The following HPSE2 variants were observed in gnomAD, a reference collection of about 807,000 sequenced individuals.
The protein encoded by HPSE2 is inactive heparanase-2.
In HPSE2, 38 loss-of-function variants were observed where a neutral mutation model predicts 60.5. The observed-to-expected ratio is 0.63, with a 90% CI of 0.48 to 0.82. The LOEUF (loss-of-function observed/expected upper bound fraction) is 0.82. Ranked by LOEUF, HPSE2 falls within the 40% of genes least tolerant of loss-of-function variation. HPSE2 has a pLI of 0.00. For missense variants in HPSE2, 713 were observed against 740.4 expected (o/e 0.96, Z 0.43); for synonymous variants, 295 against 293.2 (o/e 1.01, Z -0.06).
intron 3 of HPSE2, among the ~76,000 whole-genome samples, chr10:99,140,404 T>C (rs969572568): frequency 3.3e-5 from 5 of 152,246 alleles, no homozygotes; most frequent in African/African-American, 9.6e-5. Context: ...AGTTTCAAGC[T>C]GTCTGGATAC....
At chr10:98,800,258 ACT>A in intron 3 of HPSE2, among the ~76,000 whole-genome samples, 1 of 151,782 alleles carries the variant, frequency 6.6e-6, no homozygotes, top group East Asian at 1.9e-4. Flanking sequence ...AGTCCCAGCT[ACT>A]CAGGAGCCTG....
intron 3 of HPSE2, among the ~76,000 whole-genome samples, chr10:98,882,376 G>T (rs527458735): frequency 6.6e-6 from 1 of 152,024 alleles, no homozygotes; most frequent in Non-Finnish European, 1.5e-5. Flanking sequence ...TCAAAGTCTC[G>T]ATGACTTACA....
chr10:98,478,178 C>T (rs1182872077), intron 11 of HPSE2, among the ~76,000 whole-genome samples: 1 of 152,150 alleles, frequency 6.6e-6, no homozygotes, highest in Non-Finnish European at 1.5e-5. Context: ...GAATGGGAAC[C>T]ATTGTTCTGG....
At chr10:98,734,630 G>A (rs1455567771) in intron 4 of HPSE2, among the ~76,000 whole-genome samples, 2 of 152,022 alleles carry the variant, frequency 1.3e-5, no homozygotes, top group Admixed American at 6.6e-5. Context: ...ATCTTTTCAT[G>A]TACTTGCTTG....
chr10:99,181,259 G>A lies in HPSE2; in HGVS notation c.449-36860C>T, dbSNP rs28826339. Among the ~76,000 whole-genome samples the A allele has an allele frequency of 7.5e-3, 1,116 of 149,524 alleles. 16 individuals carry two copies. Among genetic ancestry groups the A allele is most frequent in the African/African-American group, 0.025 (1,028 of 40,746 alleles). On this transcript the variant is annotated intron_variant, in intron 2 of 11. Coordinates refer to ENST00000370552, the MANE Select transcript of HPSE2 (RefSeq NM_021828.5). ...TAAAAATACAAAAAATTAGCCGGGC[G>A]TAGTGGCGGGCGCCTGTAGTCCCAG...
intron 3 of HPSE2, among the ~76,000 whole-genome samples, chr10:99,104,907 T>A (rs1466929359): frequency 6.6e-6 from 1 of 151,744 alleles, no homozygotes; most frequent in Non-Finnish European, 1.5e-5. Flanking sequence ...CACCGGGGCC[T>A]GTCGTGGGGT....
At chr10:98,955,300 C>T (rs143345087) in intron 3 of HPSE2, among the ~76,000 whole-genome samples, 79 of 152,148 alleles carry the variant, frequency 5.2e-4, no homozygotes, top group African/African-American at 1.8e-3. Flanking sequence ...GAGCAAAGGA[C>T]GTGAACAGAT....
At chr10:99,233,898 G>A (rs1283709148) in intron 1 of HPSE2, among the ~76,000 whole-genome samples, 2 of 152,196 alleles carry the variant, frequency 1.3e-5, no homozygotes, top group Non-Finnish European at 2.9e-5. Context: ...CACAGCCAAT[G>A]CGAATGCGCC....
intron 3 of HPSE2, among the ~76,000 whole-genome samples, chr10:98,948,682 C>A (rs983263667): frequency 6.6e-6 from 1 of 152,034 alleles, no homozygotes; most frequent in African/African-American, 2.4e-5. Context: ...AGTTACAAGA[C>A]GTGTGCCTGC....
intron 3 of HPSE2, among the ~76,000 whole-genome samples, chr10:99,093,671 G>A (rs1843597342): frequency 1.3e-5 from 2 of 152,156 alleles, no homozygotes; most frequent in African/African-American, 2.4e-5. Flanking sequence ...TTTTATAGCA[G>A]CATTGATACA....
At chr10:98,834,984 A>C (rs1259813725) in intron 3 of HPSE2, among the ~76,000 whole-genome samples, 2 of 152,114 alleles carry the variant, frequency 1.3e-5, no homozygotes, top group East Asian at 1.9e-4. Context: ...AATATTTTTA[A>C]ATTTCTCTAT....
At chr10:99,305,979 GCACA>G in the HPSE2 span, among the ~76,000 whole-genome samples, 81 of 80,586 alleles carry the variant, frequency 1.0e-3, no homozygotes, top group Middle Eastern at 6.8e-3. Flanking sequence ...GCGCGCGCGC[GCACA>G]CACACACACA....
intron 3 of HPSE2, among the ~76,000 whole-genome samples, chr10:99,047,413 CA>C (rs1255716831): frequency 6.6e-6 from 1 of 152,060 alleles, no homozygotes; most frequent in Non-Finnish European, 1.5e-5. Context: ...TTGGTCTAGG[CA>C]AAGAATTTTT....
intron 7 of HPSE2, 100 bp from the exon 8 acceptor site, chr10:98,620,808 C>A: frequency 1.2e-6 from 1 of 852,150 alleles, no homozygotes; most frequent in Non-Finnish European, 1.9e-6. Flanking sequence ...ATCTGATTTC[C>A]TGTTTTCAGG....
chr10:99,014,560 C>T (rs574464896), intron 3 of HPSE2, among the ~76,000 whole-genome samples: 8 of 152,266 alleles, frequency 5.3e-5, no homozygotes, highest in African/African-American at 1.9e-4. Context: ...GAACTATTTA[C>T]ACCCCCACAA....
intron 3 of HPSE2, among the ~76,000 whole-genome samples, chr10:98,956,973 G>T (rs1955525524): frequency 6.6e-6 from 1 of 152,020 alleles, no homozygotes; most frequent in African/African-American, 2.4e-5. Context: ...CAGGGCACTG[G>T]TACAAATTGA....
chr10:98,768,187 A>G (rs764716863), intron 3 of HPSE2, among the ~76,000 whole-genome samples: 1 of 152,038 alleles, frequency 6.6e-6, no homozygotes, highest in Non-Finnish European at 1.5e-5. Flanking sequence ...ATCAGTCTTA[A>G]CAAAGTTACT....
At chr10:98,934,019 A>G (rs571580817) in intron 3 of HPSE2, among the ~76,000 whole-genome samples, 1 of 144,010 alleles carries the variant, frequency 6.9e-6, no homozygotes, top group Non-Finnish European at 1.5e-5. Flanking sequence ...GGCTTGAGCC[A>G]GTGAGCCTGG....
chr10:99,080,369 G>C (rs1843094011), intron 3 of HPSE2, among the ~76,000 whole-genome samples: 1 of 151,962 alleles, frequency 6.6e-6, no homozygotes, highest in Admixed American at 6.6e-5. Flanking sequence ...ATATAAACAA[G>C]GCTATGGCAT....
Sources: gnomAD v4.1 joint callset for allele counts (sites outside exome capture counted in the v4.1 genomes callset) on GRCh38, gnomAD v4.1.1 for gene constraint, MANE v1.5 for transcripts, NCBI Gene and HGNC (gene_info 2026-07-23, HGNC 2026-07-21) for gene names.